Variants in UACA observed in about 807,000 individuals in gnomAD.
UACA encodes uveal autoantigen with coiled-coil domains and ankyrin repeats.
A neutral mutation model predicts 160.5 loss-of-function variants in UACA; 112 were observed. The ratio of observed to expected loss-of-function variants is 0.70; its 90% CI spans 0.60 to 0.82. The LOEUF is 0.82. UACA is among the 40% of genes least tolerant of loss of function. The probability of loss-of-function intolerance (pLI) is 0.00; values close to 1 mark genes in which losing one functional copy is unlikely to be tolerated. For missense variants in UACA, 1,574 were observed against 1,614.6 expected, an observed-to-expected ratio of 0.97 and a Z score of 0.43; for synonymous variants, 557 against 568.4, an observed-to-expected ratio of 0.98 and a Z score of 0.29.
intron 13 of UACA, among the ~76,000 whole-genome samples, chr15:70,672,592 T>C (rs568473914): frequency 1.3e-5 from 2 of 152,292 alleles, no homozygotes; most frequent in East Asian, 1.9e-4. Context: ...AATCAAAATA[T>C]ACTGGGTTGT....
chr15:70,736,961 T>C lies in UACA; in HGVS notation c.78+26369A>G, dbSNP rs146429860. Among the ~76,000 whole-genome samples the C allele has an allele frequency of 8.5e-5, 13 of 152,340 alleles. No homozygotes were observed. The East Asian group carries it at 2.5e-3, about 29-fold the overall frequency. On this transcript the variant is annotated intron_variant, in intron 1 of 18. Coordinates refer to ENST00000322954, the MANE Select transcript of UACA (RefSeq NM_018003.4). ...GCATTTTATGTAACCGGAGTTTCAG[T>C]TTACTAGTTATCAAATGCTAACTCA...
chr15:70,659,353 CT>C (rs1896597537), intron 18 of UACA, among the ~76,000 whole-genome samples: 1 of 92,310 alleles, frequency 1.1e-5, no homozygotes, highest in East Asian at 3.3e-4. Context: ...TTTTTTGAAG[CT>C]TTCTCTCAAC....
At chr15:70,684,617 T>C (rs543889024) in intron 7 of UACA, among the ~76,000 whole-genome samples, 171 bp from the exon 8 acceptor site, 6 of 152,168 alleles carry the variant, frequency 3.9e-5, no homozygotes, top group Non-Finnish European at 1.5e-5. Context: ...AGCAAATCCA[T>C]GTTGTAGAGG....
intron 17 of UACA, among the ~76,000 whole-genome samples, chr15:70,663,287 T>A (rs1896784258): frequency 6.6e-6 from 1 of 152,106 alleles, no homozygotes; most frequent in African/African-American, 2.4e-5. Flanking sequence ...GTCAGAGAAA[T>A]GCAAATCAAA....
chr15:70,769,421 C>A, the UACA span, among the ~76,000 whole-genome samples: 36 of 146,740 alleles, frequency 2.5e-4, no homozygotes, highest in South Asian at 1.3e-3. Flanking sequence ...AGATGATGAA[C>A]AATGACTTTA....
intron 1 of UACA, among the ~76,000 whole-genome samples, chr15:70,713,646 C>T (rs1284808834): frequency 2.0e-5 from 3 of 152,124 alleles, no homozygotes; most frequent in Admixed American, 2.0e-4. Context: ...AGGATTAAGG[C>T]AACTGTAGTT....
chr15:70,738,770 A>G (rs1899443781), intron 1 of UACA, among the ~76,000 whole-genome samples: 1 of 152,216 alleles, frequency 6.6e-6, no homozygotes, highest in Non-Finnish European at 1.5e-5. Context: ...CAAAACTGAA[A>G]CAGTGATTTA....
intron 1 of UACA, among the ~76,000 whole-genome samples, chr15:70,763,127 T>C (rs2030874054): frequency 6.6e-6 from 1 of 152,090 alleles, no homozygotes; most frequent in Non-Finnish European, 1.5e-5. Flanking sequence ...AAGAGACCCG[T>C]AGAGGCTCGG....
chr15:70,769,648 C>T, the UACA span, among the ~76,000 whole-genome samples: 29 of 152,012 alleles, frequency 1.9e-4, no homozygotes, highest in Non-Finnish European at 3.5e-4. Flanking sequence ...TAAATTAATA[C>T]ATCTTTAAGT....
intron 18 of UACA, 143 bp from the exon 19 acceptor site, chr15:70,657,270 T>C: frequency 1.4e-6 from 1 of 702,332 alleles, no homozygotes; most frequent in Non-Finnish European, 2.5e-6. Context: ...CTAAAGGAAT[T>C]ACTGGAAAAG....
At chr15:70,751,833 G>C (rs57839611) in intron 1 of UACA, among the ~76,000 whole-genome samples, 20,482 of 151,924 alleles carry the variant, frequency 0.13, 1,695 homozygotes, top group African/African-American at 0.23. Context: ...ACTTATACAT[G>C]GCCATGAATG....
At position 70,695,121 on chromosome 15, in the gene UACA, A is replaced by G. The variant is rs1566979792; in HGVS notation, c.213-16T>C. 1.3e-6 allele frequency: 2 copies of G among 1,566,466 alleles called. No homozygotes were observed. The highest frequency in any genetic ancestry group is 4.6e-5 in the East Asian group (2 of 43,380). On this transcript the variant is annotated splice_polypyrimidine_tract_variant and intron_variant, in intron 2 of 18. Transcript: ENST00000322954. The stretch of plus-strand genomic sequence containing the variant: ...AACATGGAAGCTAAACAAAAAAAAA[A>G]TATTTGTTGTGCTAAGGAAACAACC...
intron 7 of UACA, among the ~76,000 whole-genome samples, chr15:70,685,591 G>A (rs1897683370): frequency 6.6e-6 from 1 of 152,030 alleles, no homozygotes; most frequent in Non-Finnish European, 1.5e-5. Context: ...TAGAAACTAA[G>A]GTTATAAATT....
At position 70,703,091 on chromosome 15, in the gene UACA, T is replaced by G. The variant is rs1161060499; in HGVS notation, c.79-3431A>C. Reference sequence around the variant, plus strand: ...CCATTTGGGGACAAAGCAGATAACTTCTCTGCATTCTCTACGATAGCATAC... The same window carrying G: ...CCATTTGGGGACAAAGCAGATAACTGCTCTGCATTCTCTACGATAGCATAC... On this transcript the variant is annotated intron_variant, in intron 1 of 18. Transcript: ENST00000322954. The G allele has an allele frequency of 4.7e-6, 6 of 1,288,370 alleles. No individual in the cohort carries two copies. The African/African-American group carries it at 9.1e-5, about 20-fold the overall frequency. 79.8% of individuals were successfully genotyped at this position (1,288,370 alleles called of 1,614,324 possible). A position where few individuals can be genotyped will look rare whatever the true frequency, so the allele number is the denominator to read the frequency against.
At chr15:70,744,944 C>T (rs1057201727) in intron 1 of UACA, among the ~76,000 whole-genome samples, 1 of 152,156 alleles carries the variant, frequency 6.6e-6, no homozygotes, top group African/African-American at 2.4e-5. Context: ...TCCAACTCTC[C>T]ATCAAATACA....
chr15:70,687,580 C>T lies in UACA; in HGVS notation c.562G>A (p.Asp188Asn), dbSNP rs1287172841. ...CTGGAATTAACATCCGCTCCTCTATCTATCAGCAGTTGACATATTGTTGGC... is the reference window on the plus strand; with the variant it reads ...CTGGAATTAACATCCGCTCCTCTATTTATCAGCAGTTGACATATTGTTGGC... ...SRPTICQLLI[D>N]RGADVNSRDK... Residue 188 changes from aspartate (D) to asparagine (N), a missense_variant, in exon 7 of 19, where the codon GAT becomes AAT. Coordinates refer to ENST00000322954, the MANE Select transcript of UACA (RefSeq NM_018003.4). The T allele has an allele frequency of 6.2e-7, 1 of 1,613,834 alleles. No homozygotes were observed. The highest frequency in any genetic ancestry group is 8.5e-7 in the Non-Finnish European group (1 of 1,179,852).
chr15:70,687,883 T>A, intron 5 of UACA, 63 bp from the exon 6 acceptor site: 1 of 1,491,706 alleles, frequency 6.7e-7, no homozygotes, highest in Non-Finnish European at 9.3e-7. Context: ...ATAGTGTTTT[T>A]CTAGGTCCAT....
At chr15:70,746,057 T>C (rs1036927669) in intron 1 of UACA, among the ~76,000 whole-genome samples, 8 of 152,160 alleles carry the variant, frequency 5.3e-5, no homozygotes, top group South Asian at 2.1e-4. Context: ...GCAATACCAT[T>C]CAAGATATAG....
chr15:70,772,232 G>A, the UACA span, among the ~76,000 whole-genome samples: 12 of 152,154 alleles, frequency 7.9e-5, no homozygotes, highest in South Asian at 1.2e-3. Flanking sequence ...GGTGGCTCAC[G>A]CCTGTAATCC....
Sources: allele counts gnomAD v4.1 joint callset (sites outside exome capture counted in the v4.1 genomes callset), GRCh38; gene constraint gnomAD v4.1.1; transcripts MANE v1.5; gene names NCBI Gene and HGNC (gene_info 2026-07-23, HGNC 2026-07-21).